TMBIM4: variants seen among roughly 807,000 people sequenced by gnomAD.
TMBIM4 encodes the protein protein lifeguard 4.
TMBIM4 carries 28 observed loss-of-function variants against 27.7 expected under a neutral mutation model. The ratio of observed to expected loss-of-function variants is 1.01; its 90% confidence interval spans 0.75 to 1.38. TMBIM4 has a LOEUF of 1.38. Among genes scored for constraint, TMBIM4 ranks in the 40% most tolerant of loss-of-function variants. The pLI, the probability that TMBIM4 is intolerant of heterozygous loss-of-function variation, is 0.00. For missense variants in TMBIM4, 265 were observed against 277.5 expected (o/e 0.95, Z 0.32); for synonymous variants, 115 against 113.1 (o/e 1.02, Z -0.11).
chr12:66,153,332 T>A lies in TMBIM4; in HGVS notation c.206+8A>T. ...TGAAAATTATTCATTACCATCTCAT[T>A]ACCTTACCTCTCATGTACAAATGTC... On this transcript the variant is annotated splice_region_variant and intron_variant, in intron 2 of 6. Coordinates refer to ENST00000358230, the MANE Select transcript of TMBIM4 (RefSeq NM_016056.4). 6.8e-7 allele frequency: 1 copy of A among 1,472,706 alleles called. No homozygotes were observed. Among genetic ancestry groups the A allele is most frequent in the Non-Finnish European group, 9.3e-7 (1 of 1,069,594 alleles). 91.2% of individuals were successfully genotyped at this position (1,472,706 alleles called of 1,614,324 possible).
intron 1 of TMBIM4, among the ~76,000 whole-genome samples, chr12:66,155,474 G>A (rs916144698): frequency 4.6e-5 from 7 of 151,830 alleles, no homozygotes; most frequent in African/African-American, 1.7e-4. Flanking sequence ...CCAGTAGCTA[G>A]TACTACAGGT....
intron 4 of TMBIM4, among the ~76,000 whole-genome samples, chr12:66,146,281 CA>C (rs1488872194): frequency 6.6e-6 from 1 of 152,176 alleles, no homozygotes; most frequent in Non-Finnish European, 1.5e-5. Context: ...ATCTCTGTCC[CA>C]GGCACAGTTT....
Position 66,137,227 on chromosome 12 carries a change from A to G in TMBIM4, c.*733T>C, listed in dbSNP as rs1430659299. 6.6e-6 allele frequency: 1 copy of G among 152,156 alleles called. No individual in the cohort carries two copies. The highest frequency in any genetic ancestry group is 1.5e-5 in the Non-Finnish European group (1 of 68,020). 9.4% of individuals were successfully genotyped at this position (152,156 alleles called of 1,614,324 possible). The stretch of plus-strand genomic sequence containing the variant: ...AGCAAAAAGAGATTTACAGTTTATA[A>G]TGGTAAAGACTCTACTACTTCAGAA... On this transcript the variant is annotated 3_prime_UTR_variant, in exon 7 of 7. Coordinates refer to ENST00000358230, the MANE Select transcript of TMBIM4 (RefSeq NM_016056.4).
Position 66,152,546 on chromosome 12 carries a change from A to C in TMBIM4, c.207-170T>G, listed in dbSNP as rs561059669. ...TATTTTATATCTGGAAAATTTGAGG[A>C]GTACAAGGTAGAAAGGAGCCTCAAG... On this transcript the variant is annotated intron_variant, in intron 2 of 6. Coordinates refer to ENST00000358230, the MANE Select transcript of TMBIM4 (RefSeq NM_016056.4). 3.3e-5 allele frequency among the ~76,000 whole-genome samples: 5 copies of C among 152,244 alleles called. No homozygotes were observed. The South Asian group carries it at 1.0e-3, about 32-fold the overall frequency.
At chr12:66,158,541 C>G (rs1275436490) in intron 1 of TMBIM4, among the ~76,000 whole-genome samples, 1 of 151,426 alleles carries the variant, frequency 6.6e-6, no homozygotes, top group Non-Finnish European at 1.5e-5. Flanking sequence ...CGGGCTGAGG[C>G]AGGAGAATCG....
rs1015880057 is a variant in TMBIM4, at chr12:66,137,263, A to C, written c.*697T>G. ...TCTACTACTTCAGAATCAAAGCCAA[A>C]TCAATATTACTTAATAATTCAGGGA... On this transcript the variant is annotated 3_prime_UTR_variant, in exon 7 of 7. Transcript: ENST00000358230. The C allele has an allele frequency of 2.6e-5, 4 of 152,228 alleles. No homozygotes were observed. Among genetic ancestry groups the C allele is most frequent in the African/African-American group, 7.2e-5 (3 of 41,456 alleles). The allele number at this position is 152,228 out of a possible 1,614,324, so 9.4% of individuals were successfully genotyped here.
chr12:66,150,586 T>A (rs1451807094), intron 3 of TMBIM4, among the ~76,000 whole-genome samples: 1 of 152,184 alleles, frequency 6.6e-6, no homozygotes, highest in African/African-American at 2.4e-5. Context: ...CTAATTTTTG[T>A]ATTTTTTGCA....
At position 66,168,957 on chromosome 12, in the gene TMBIM4, T is replaced by C. The variant is rs545455528; in HGVS notation, c.97+898A>G. 1.1e-4 allele frequency: 23 copies of C among 210,256 alleles called. No homozygotes were observed. In the South Asian group the frequency reaches 1.7e-3, roughly 15 times the overall value. The allele number at this position is 210,256 out of a possible 1,614,324, so 13.0% of individuals were successfully genotyped here. On this transcript the variant is annotated intron_variant, in intron 1 of 6. Transcript: ENST00000358230. ...TAATTTTTTTTAAAAAAAAGCTGAG[T>C]TCACTGGCCAAAATAATTTCAAAAT...
chr12:66,141,001 A>T (rs2051659478), intron 5 of TMBIM4, among the ~76,000 whole-genome samples: 1 of 150,704 alleles, frequency 6.6e-6, no homozygotes, highest in East Asian at 1.9e-4. Flanking sequence ...TGAAAGCAAG[A>T]AAAAAAACCC....
chr12:66,151,387 A>G (rs1592543767), intron 3 of TMBIM4, among the ~76,000 whole-genome samples: 1 of 152,036 alleles, frequency 6.6e-6, no homozygotes, highest in South Asian at 2.1e-4. Flanking sequence ...ATAGGTGCAC[A>G]CCACCATGCC....
At position 66,167,097 on chromosome 12, in the gene TMBIM4, T is replaced by C. The variant is rs78437446; in HGVS notation, c.97+2758A>G. 4.7e-3 allele frequency among the ~76,000 whole-genome samples: 714 copies of C among 152,160 alleles called. 7 individuals carry two copies. The highest frequency in any genetic ancestry group is 0.017 in the Middle Eastern group (5 of 294). On this transcript the variant is annotated intron_variant, in intron 1 of 6. Coordinates refer to ENST00000358230, the MANE Select transcript of TMBIM4 (RefSeq NM_016056.4). ...GGAAAAGACAAAACTATGGAGACAA[T>C]AGAAGATCAGCAGGAAGGGAGGGAT...
chr12:66,149,555 T>C (rs1183732738), intron 3 of TMBIM4, among the ~76,000 whole-genome samples: 15 of 151,456 alleles, frequency 9.9e-5, no homozygotes, highest in East Asian at 1.9e-4. Flanking sequence ...AGAAATCCCA[T>C]ACACATTCAA....
chr12:66,153,840 TAA>T (rs10547012), intron 1 of TMBIM4, among the ~76,000 whole-genome samples: 9,761 of 152,210 alleles, frequency 0.064, 1,030 homozygotes, highest in African/African-American at 0.22. Flanking sequence ...ATATAAACGT[TAA>T]GTTTTTTTAT....
intron 5 of TMBIM4, among the ~76,000 whole-genome samples, chr12:66,143,672 C>G (rs144770388): frequency 5.3e-5 from 8 of 152,308 alleles, no homozygotes; most frequent in Admixed American, 1.3e-4. Flanking sequence ...CTATGAAGCA[C>G]TGCCACCATT....
intron 5 of TMBIM4, among the ~76,000 whole-genome samples, chr12:66,143,332 C>G (rs2051697987): frequency 6.6e-6 from 1 of 152,132 alleles, no homozygotes; most frequent in Non-Finnish European, 1.5e-5. Flanking sequence ...CAAATCCTAC[C>G]CTCATCCCTC....
Position 66,153,366 on chromosome 12 carries a change from C to T in TMBIM4, c.180G>A (p.Glu60=), listed in dbSNP as rs1406245917. 8 of 1,593,050 alleles carry T rather than the reference C, an allele frequency of 5.0e-6. No homozygotes were observed. Among genetic ancestry groups the T allele is most frequent in the Non-Finnish European group, 6.8e-6 (8 of 1,168,528 alleles). The change falls in exon 2 of 7, where the codon GAG becomes GAA. Residue 60 remains glutamate (E), a synonymous_variant. Transcript: ENST00000358230. The part of the protein sequence containing the change: ...TVTSTVFLYF[E]SVRTFVHESP... The stretch of plus-strand genomic sequence containing the variant: ...TCTCATGTACAAATGTCCGTACAGA[C>T]TCAAAGTATAAAAAAACTGTTGAAG...
chr12:66,143,675 C>T (rs933326354), intron 5 of TMBIM4, among the ~76,000 whole-genome samples: 3 of 152,148 alleles, frequency 2.0e-5, no homozygotes, highest in South Asian at 2.1e-4. Context: ...TGAAGCACTG[C>T]CACCATTGCC....
In TMBIM4 at chr12:66,166,464, CAAAAAA is replaced by C. The variant is rs59822799; in HGVS notation, c.97+3385_97+3390del. 7.3e-3 allele frequency among the ~76,000 whole-genome samples: 733 copies of C among 100,682 alleles called. 4 individuals are homozygous for C. Among genetic ancestry groups the C allele is most frequent in the African/African-American group, 0.024 (639 of 26,666 alleles). The allele number at this position is 100,682 out of a possible 152,430, so 66.1% of individuals were successfully genotyped here. A position where few individuals can be genotyped will look rare whatever the true frequency, so the allele number is the denominator to read the frequency against. ...TGAGAGACAGAGTGATACTTTGTCTCAAAAAAAAAAAAAAAAAAAAGAAAAAGAAAA... is the reference window on the plus strand; with the variant it reads ...TGAGAGACAGAGTGATACTTTGTCTCAAAAAAAAAAAAAAGAAAAAGAAAA... On this transcript the variant is annotated intron_variant, in intron 1 of 6. Transcript: ENST00000358230.
chr12:66,166,271 C>T (rs895443768), intron 1 of TMBIM4, among the ~76,000 whole-genome samples: 2 of 151,974 alleles, frequency 1.3e-5, no homozygotes, highest in Non-Finnish European at 2.9e-5. Context: ...TTGAGACCAG[C>T]CTGACTAACA....
Sources: gnomAD v4.1 joint callset for allele counts (sites outside exome capture counted in the v4.1 genomes callset) on GRCh38, gnomAD v4.1.1 for gene constraint, MANE v1.5 for transcripts, NCBI Gene and HGNC (gene_info 2026-07-23, HGNC 2026-07-21) for gene names.